Variants in AKT3 observed in about 807,000 individuals in gnomAD.
AKT3 encodes RAC-gamma serine/threonine-protein kinase.
A neutral mutation model predicts 65.3 loss-of-function variants in AKT3; 15 were observed. The ratio of observed to expected loss-of-function variants is 0.23; its 90% confidence interval spans 0.15 to 0.35. The LOEUF (loss-of-function observed/expected upper bound fraction) is 0.35. Ranked by LOEUF, AKT3 falls within the 10% of genes least tolerant of loss-of-function variation. The probability of loss-of-function intolerance (pLI) is 1.00; values close to 1 mark genes in which losing one functional copy is unlikely to be tolerated. For missense variants in AKT3, 243 were observed against 576.5 expected (o/e 0.42, Z 5.92); for synonymous variants, 206 against 183.8 (o/e 1.12, Z -0.98).
At chr1:243,823,012 TTAATG>T (rs1693954602) in intron 2 of AKT3, among the ~76,000 whole-genome samples, 1 of 152,174 alleles carries the variant, frequency 6.6e-6, no homozygotes, top group South Asian at 2.1e-4. Flanking sequence ...CTGATGAACA[TTAATG>T]CAAAAATCCT....
chr1:243,654,089 C>A (rs1681579517), intron 4 of AKT3, among the ~76,000 whole-genome samples: 1 of 152,010 alleles, frequency 6.6e-6, no homozygotes, highest in Non-Finnish European at 1.5e-5. Context: ...AGAATAATTT[C>A]TAATTCCATT....
At chr1:243,578,305 T>C (rs1054556445) in intron 8 of AKT3, among the ~76,000 whole-genome samples, 2 of 152,084 alleles carry the variant, frequency 1.3e-5, no homozygotes. Flanking sequence ...CAATGATAGA[T>C]GGATAAAGAA....
intron 2 of AKT3, among the ~76,000 whole-genome samples, chr1:243,784,223 A>G (rs1454172384): frequency 1.3e-5 from 2 of 152,154 alleles, no homozygotes; most frequent in African/African-American, 2.4e-5. Flanking sequence ...AAAGCTAAGG[A>G]AAGAGGAGAC....
chr1:243,785,070 T>TC (rs1691167563), intron 2 of AKT3, among the ~76,000 whole-genome samples: 1 of 150,648 alleles, frequency 6.6e-6, no homozygotes, highest in South Asian at 2.1e-4. Flanking sequence ...TCAATTTTTT[T>TC]TTTTTTTTTT....
intron 8 of AKT3, among the ~76,000 whole-genome samples, chr1:243,608,033 A>G (rs1677560130): frequency 6.6e-6 from 1 of 152,154 alleles, no homozygotes. Context: ...TCTTTCCTTT[A>G]TAAATTACCC....
At chr1:243,645,838 T>TA in intron 5 of AKT3, 55 bp downstream of exon 5, 2 of 1,472,284 alleles carry the variant, frequency 1.4e-6, no homozygotes, top group Non-Finnish European at 1.8e-6. Context: ...TAGCTTTTAA[T>TA]ATGTTTCTTC....
intron 6 of AKT3, among the ~76,000 whole-genome samples, chr1:243,623,538 C>A (rs1163260159): frequency 1.3e-5 from 2 of 152,056 alleles, no homozygotes; most frequent in Non-Finnish European, 2.9e-5. Flanking sequence ...CCCAAAAAAG[C>A]AAAGAAAAGG....
chr1:243,807,517 G>C (rs1200211008), intron 2 of AKT3, among the ~76,000 whole-genome samples: 1 of 152,186 alleles, frequency 6.6e-6, no homozygotes, highest in East Asian at 1.9e-4. Context: ...GGCTTGAGTA[G>C]GTAAACAAAG....
intron 3 of AKT3, among the ~76,000 whole-genome samples, chr1:243,694,430 G>A (rs1273318666): frequency 6.6e-6 from 1 of 151,674 alleles, no homozygotes; most frequent in African/African-American, 2.4e-5. Flanking sequence ...GCATTTTGGT[G>A]GGAAAAAAGA....
chr1:243,577,337 G>A (rs1024320055), intron 8 of AKT3, among the ~76,000 whole-genome samples: 1 of 152,040 alleles, frequency 6.6e-6, no homozygotes, highest in Non-Finnish European at 1.5e-5. Context: ...AGTAGAGATG[G>A]GGTTTCACCA....
Position 243,795,465 on chromosome 1 carries a change from T to TG in AKT3, c.46+47659_46+47660insC, listed in dbSNP as rs1405582919. ...GATCTCCTTGTTTTTTTTTTTTGTT[T>TG]TTTTTTTTTGGTTTTTTTTTTTTTG... On this transcript the variant is annotated intron_variant, in intron 2 of 13. Coordinates refer to ENST00000673466, the MANE Select transcript of AKT3 (RefSeq NM_005465.7). 7.8e-4 allele frequency among the ~76,000 whole-genome samples: 71 copies of TG among 91,432 alleles called. 2 individuals carry two copies. Among genetic ancestry groups the TG allele is most frequent in the African/African-American group, 2.6e-3 (66 of 25,090 alleles). The allele number at this position is 91,432 out of a possible 152,430, so 60.0% of individuals were successfully genotyped here. A position where few individuals can be genotyped will look rare whatever the true frequency, so the allele number is the denominator to read the frequency against.
intron 2 of AKT3, among the ~76,000 whole-genome samples, chr1:243,745,083 A>AT (rs1355518417): frequency 1.3e-4 from 19 of 151,998 alleles, no homozygotes; most frequent in Non-Finnish European, 1.6e-4. Context: ...TCCTAGCAGG[A>AT]TTTTTTTGGG....
chr1:243,515,319 G>A (rs1670281436), intron 12 of AKT3, among the ~76,000 whole-genome samples: 1 of 151,992 alleles, frequency 6.6e-6, no homozygotes, highest in Non-Finnish European at 1.5e-5. Flanking sequence ...GGAGTGGAAT[G>A]GCTGGGCCGT....
At chr1:243,747,769 A>C (rs1268744353) in intron 2 of AKT3, among the ~76,000 whole-genome samples, 2 of 152,166 alleles carry the variant, frequency 1.3e-5, no homozygotes, top group Non-Finnish European at 2.9e-5. Flanking sequence ...CATAAACACA[A>C]AAAAAATCAA....
intron 2 of AKT3, among the ~76,000 whole-genome samples, chr1:243,841,128 C>T (rs1438451167): frequency 1.3e-5 from 2 of 152,020 alleles, no homozygotes; most frequent in African/African-American, 4.8e-5. Context: ...ACATACACAT[C>T]TCAAAATAAA....
chr1:243,707,709 A>G (rs562442556), intron 2 of AKT3, among the ~76,000 whole-genome samples: 1 of 152,052 alleles, frequency 6.6e-6, no homozygotes, highest in East Asian at 1.9e-4. Flanking sequence ...GGCCTTCCCC[A>G]CTCTTCCTTT....
At chr1:243,490,137 C>T (rs884808) in intron 13 of AKT3, among the ~76,000 whole-genome samples, 41,157 of 152,154 alleles carry the variant, frequency 0.27, 5,952 homozygotes, top group African/African-American at 0.37. Context: ...TCATTCTCCT[C>T]ACAAAATGAC....
chr1:243,731,844 C>G (rs1028121349), intron 2 of AKT3, among the ~76,000 whole-genome samples: 1 of 152,086 alleles, frequency 6.6e-6, no homozygotes, highest in Non-Finnish European at 1.5e-5. Context: ...TGATATTGTA[C>G]TTATAGAGCT....
intron 4 of AKT3, among the ~76,000 whole-genome samples, chr1:243,659,937 T>C (rs1682154884): frequency 6.6e-6 from 1 of 152,204 alleles, no homozygotes; most frequent in Non-Finnish European, 1.5e-5. Context: ...TGGTCTAAAA[T>C]TCTCTTTTTT....
Sources: gnomAD v4.1 joint callset for allele counts (sites outside exome capture counted in the v4.1 genomes callset) on GRCh38, gnomAD v4.1.1 for gene constraint, MANE v1.5 for transcripts, NCBI Gene and HGNC (gene_info 2026-07-23, HGNC 2026-07-21) for gene names.